Variants in CCDC191 observed in about 807,000 individuals in gnomAD.
CCDC191 encodes the protein coiled-coil domain-containing protein 191.
Under a neutral mutation model 114.0 loss-of-function variants are expected in CCDC191, and 99 were observed. That is an observed-to-expected ratio of 0.87 (90% CI 0.74 to 1.03). The LOEUF is 1.03. Among genes scored for constraint, CCDC191 ranks in the 50% least tolerant of loss-of-function variants. The probability of loss-of-function intolerance (pLI) is 0.00; values close to 1 mark genes in which losing one functional copy is unlikely to be tolerated. For missense variants in CCDC191, 973 were observed against 1,087.0 expected (o/e 0.90, Z 1.47); for synonymous variants, 351 against 376.0 (o/e 0.93, Z 0.77).
chr3:114,006,605 T>A (rs1559903148), intron 9 of CCDC191, among the ~76,000 whole-genome samples: 2 of 133,934 alleles, frequency 1.5e-5, no homozygotes, highest in African/African-American at 6.0e-5. Flanking sequence ...TATATATATA[T>A]ATATATATAT....
At chr3:114,029,808 A>C (rs324560) in intron 7 of CCDC191, among the ~76,000 whole-genome samples, 73,206 of 149,470 alleles carry the variant, frequency 0.49, 17,807 homozygotes, top group Middle Eastern at 0.6. Flanking sequence ...CATAAAAAAA[A>C]CCAAAACGAG....
At chr3:113,974,348 C>T (rs1416089843) in intron 16 of CCDC191, among the ~76,000 whole-genome samples, 1 of 149,782 alleles carries the variant, frequency 6.7e-6, no homozygotes, top group Non-Finnish European at 1.5e-5. Context: ...GAGATGGAGT[C>T]TTGCTCAAGC....
intron 11 of CCDC191, chr3:114,003,839 C>A (rs1198035453): frequency 1.0e-6 from 1 of 985,228 alleles, no homozygotes; most frequent in African/African-American, 1.7e-5. Flanking sequence ...ATTTACAAAC[C>A]ACAATATAAT....
intron 2 of CCDC191, among the ~76,000 whole-genome samples, chr3:114,051,141 C>T (rs2076693946): frequency 6.6e-6 from 1 of 152,158 alleles, no homozygotes; most frequent in Non-Finnish European, 1.5e-5. Flanking sequence ...TGGTTCACAA[C>T]ATTTTCCATT....
At chr3:113,979,690 GCA>G (rs888847083) in intron 14 of CCDC191, among the ~76,000 whole-genome samples, 8 of 151,998 alleles carry the variant, frequency 5.3e-5, no homozygotes, top group Non-Finnish European at 1.0e-4. Flanking sequence ...TAGATATCTG[GCA>G]CTGTGAATGT....
chr3:114,031,087 G>A (rs1468119534), intron 7 of CCDC191, among the ~76,000 whole-genome samples: 1 of 151,900 alleles, frequency 6.6e-6, no homozygotes, highest in Non-Finnish European at 1.5e-5. Flanking sequence ...TTAAAAATCA[G>A]CAAGTAATTT....
rs750469447 is a variant in CCDC191, at chr3:114,031,688, C to T, written c.910G>A (p.Val304Met). 2 of 1,597,946 alleles carry T rather than the reference C, an allele frequency of 1.3e-6. No individual in the cohort carries two copies. Residue 304 changes from valine to methionine, a missense_variant, in exon 7 of 17, where the codon GTG becomes ATG. Val to Met is a conservative substitution (Grantham distance 21). Coordinates refer to ENST00000295878, the MANE Select transcript of CCDC191 (RefSeq NM_020817.2). ...THILPDEEKM[V>M]KERKRKLKEV... ...TTCAATTTCCTTTTTCTTTCCTTCACCATTTTTTCCTCATCTGGAAGAATG... is the reference window on the plus strand; with the variant it reads ...TTCAATTTCCTTTTTCTTTCCTTCATCATTTTTTCCTCATCTGGAAGAATG...
At position 113,978,884 on chromosome 3, in the gene CCDC191, T is replaced by G; in HGVS notation, c.2434A>C (p.Lys812Gln). Residue 812 changes from lysine to glutamine, a missense_variant, in exon 15 of 17, where the codon AAG becomes CAG. Transcript: ENST00000295878. ...ADQFYSQILL[K>Q]RVIQSWLQYV... ...TGTAGCCAGCTCTGGATGACTCTCTTAAGCAGTATTTGGGAATAAAATTGA... is the reference window on the plus strand; with the variant it reads ...TGTAGCCAGCTCTGGATGACTCTCTGAAGCAGTATTTGGGAATAAAATTGA... 1 of 1,614,018 alleles carries G rather than the reference T, an allele frequency of 6.2e-7. No individual in the cohort carries two copies. Among genetic ancestry groups the G allele is most frequent in the Middle Eastern group, 1.7e-4 (1 of 6,060 alleles).
intron 12 of CCDC191, 150 bp downstream of exon 12, chr3:114,002,306 C>T (rs758147415): frequency 7.7e-5 from 44 of 570,198 alleles, no homozygotes; most frequent in Non-Finnish European, 1.1e-4. Flanking sequence ...AAAATTGTCA[C>T]GGAATTCAGG....
At chr3:114,042,656 C>A (rs747395804) in intron 4 of CCDC191, 47 bp downstream of exon 4, 2 of 1,429,310 alleles carry the variant, frequency 1.4e-6, no homozygotes, top group Non-Finnish European at 1.9e-6. Flanking sequence ...ACTTCTTAGA[C>A]ACATTCATTA....
rs747888612 is a variant in CCDC191, at chr3:114,005,942, C to T, written c.1434G>A (p.Leu478=). The part of the protein sequence containing the change: ...KNGQETAVPP[L]WEKPPLGSSG... Reference sequence around the variant, plus strand: ...TGCTTCCCAAGGGAGGCTTTTCCCACAAAGGGGGCACAGCAGTCTCCTGAG... The same window carrying T: ...TGCTTCCCAAGGGAGGCTTTTCCCATAAAGGGGGCACAGCAGTCTCCTGAG... Residue 478 remains leucine, a synonymous_variant, in exon 10 of 17, where the codon TTG becomes TTA. Transcript: ENST00000295878. 1 of 1,613,950 alleles carries T rather than the reference C, an allele frequency of 6.2e-7. No homozygotes were observed.
intron 1 of CCDC191, among the ~76,000 whole-genome samples, chr3:114,055,105 C>A (rs1233715108): frequency 6.6e-6 from 1 of 152,160 alleles, no homozygotes. Context: ...ACTTACCTAA[C>A]ACTTTACCTT....
intron 9 of CCDC191, among the ~76,000 whole-genome samples, chr3:114,006,587 GATATATATAT>G (rs67264886): frequency 1.2e-4 from 10 of 82,620 alleles, no homozygotes; most frequent in Admixed American, 5.2e-4. Context: ...GGTTACTCCA[GATATATATAT>G]ATATATATAT....
intron 8 of CCDC191, among the ~76,000 whole-genome samples, chr3:114,015,556 A>G (rs2076145728): frequency 6.6e-6 from 1 of 152,182 alleles, no homozygotes. Flanking sequence ...CTGTAAATGC[A>G]GACAGAAAGG....
chr3:114,012,989 C>T (rs1462560612), intron 8 of CCDC191, among the ~76,000 whole-genome samples: 1 of 152,190 alleles, frequency 6.6e-6, no homozygotes, highest in Non-Finnish European at 1.5e-5. Context: ...GTGGCTGATG[C>T]CTGTAATCAC....
intron 16 of CCDC191, among the ~76,000 whole-genome samples, chr3:113,976,818 A>G (rs1355628614): frequency 6.6e-6 from 1 of 152,192 alleles, no homozygotes; most frequent in Non-Finnish European, 1.5e-5. Context: ...TCAGGGTCAC[A>G]TAGATATTGA....
Position 114,001,687 on chromosome 3 carries a change from T to C in CCDC191, c.2071A>G (p.Lys691Glu). 6.2e-7 allele frequency: 1 copy of C among 1,613,854 alleles called. No homozygotes were observed. Among genetic ancestry groups the C allele is most frequent in the Non-Finnish European group, 8.5e-7 (1 of 1,179,818 alleles). Residue 691 changes from lysine to glutamate, a missense_variant, in exon 13 of 17, where the codon AAG (lysine) becomes GAG (glutamate). Transcript: ENST00000295878. ...KQEEEKLAQL[K>E]AQEEERQKRE... ...TTCTGACGTTCCTCCTCTTGGGCCT[T>C]TAACTGGGCCTGATTGAGATTAGAA...
chr3:114,036,810 A>C (rs749525179), intron 4 of CCDC191, 24 bp from the exon 5 acceptor site: 1 of 1,483,200 alleles, frequency 6.7e-7, no homozygotes, highest in Non-Finnish European at 9.0e-7. Flanking sequence ...AACAACAAAA[A>C]AGGGAATTTT....
chr3:114,044,487 T>C (rs2076603709), intron 3 of CCDC191, among the ~76,000 whole-genome samples: 1 of 152,268 alleles, frequency 6.6e-6, no homozygotes, highest in Non-Finnish European at 1.5e-5. Context: ...ATGATCATTA[T>C]TGCATAGTTA....
Sources: gnomAD v4.1 joint callset for allele counts (sites outside exome capture counted in the v4.1 genomes callset) on GRCh38, gnomAD v4.1.1 for gene constraint, MANE v1.5 for transcripts, NCBI Gene and HGNC (gene_info 2026-07-23, HGNC 2026-07-21) for gene names.